Variants in TRIM67 observed in about 807,000 individuals in gnomAD.
TRIM67 encodes the protein tripartite motif-containing protein 67.
A neutral mutation model predicts 71.0 loss-of-function variants in TRIM67; 39 were observed. The observed-to-expected ratio is 0.55, with a 90% CI of 0.43 to 0.72. The LOEUF is 0.72. Among genes scored for constraint, TRIM67 ranks in the 30% least tolerant of loss-of-function variants. The pLI is 0.00. For missense variants in TRIM67, 973 were observed against 1,079.2 expected, an observed-to-expected ratio of 0.90 and a Z score of 1.38; for synonymous variants, 481 against 473.9, an observed-to-expected ratio of 1.01 and a Z score of -0.19.
Position 231,218,724 on chromosome 1 carries a change from C to T in TRIM67, c.*3284C>T. On this transcript the variant is annotated 3_prime_UTR_variant, in exon 10 of 10. Transcript: ENST00000366653. ...GGCTGCATCTTCAGCCTGATATGTA[C>T]TTTGTAGTTGCAACAGCGCCCTAGG... 2 of 985,412 alleles carry T rather than the reference C, an allele frequency of 2.0e-6. No homozygotes were observed. Among genetic ancestry groups the T allele is most frequent in the Non-Finnish European group, 2.4e-6 (2 of 829,940 alleles). 61.0% of individuals were successfully genotyped at this position (985,412 alleles called of 1,614,324 possible). A position where few individuals can be genotyped will look rare whatever the true frequency, so the allele number is the denominator to read the frequency against.
intron 1 of TRIM67, among the ~76,000 whole-genome samples, chr1:231,173,801 T>C (rs1424110657): frequency 6.6e-6 from 1 of 152,034 alleles, no homozygotes; most frequent in East Asian, 1.9e-4. Context: ...GGAAAATGGA[T>C]AGTAGGGGGA....
At position 231,162,715 on chromosome 1, in the gene TRIM67, A is replaced by T; in HGVS notation, c.-255A>T. On this transcript the variant is annotated 5_prime_UTR_variant, in exon 1 of 10. Transcript: ENST00000366653. ...CCGACCGGCTCCGGAATCTGGCCGC[A>T]GGTTGAAGCCGCTGGTGCGGGACCC... 3 of 479,192 alleles carry T rather than the reference A, an allele frequency of 6.3e-6. No individual in the cohort carries two copies. The highest frequency in any genetic ancestry group is 4.0e-5 in the Admixed American group (1 of 25,224). The allele number at this position is 479,192 out of a possible 1,614,324, so 29.7% of individuals were successfully genotyped here. A position where few individuals can be genotyped will look rare whatever the true frequency, so the allele number is the denominator to read the frequency against.
At chr1:231,170,526 G>A (rs1020707942) in intron 1 of TRIM67, among the ~76,000 whole-genome samples, 2 of 152,116 alleles carry the variant, frequency 1.3e-5, no homozygotes, top group Non-Finnish European at 2.9e-5. Context: ...TCACTGTGTC[G>A]TTAAGGTATT....
At position 231,217,504 on chromosome 1, in the gene TRIM67, C is replaced by A; in HGVS notation, c.*2064C>A. ...CCTTTGCTTGGAGCATGGAGACGAT[C>A]CCTAAAGATTGAGGATGAAGAGGAG... On this transcript the variant is annotated 3_prime_UTR_variant, in exon 10 of 10. Coordinates refer to ENST00000366653, the MANE Select transcript of TRIM67 (RefSeq NM_001004342.5). 12 of 1,005,424 alleles carry A rather than the reference C, an allele frequency of 1.2e-5. No individual in the cohort carries two copies. The highest frequency in any genetic ancestry group is 1.4e-5 in the Non-Finnish European group (12 of 841,796). The allele number at this position is 1,005,424 out of a possible 1,614,324, so 62.3% of individuals were successfully genotyped here.
chr1:231,186,765 C>T (rs139871882), intron 1 of TRIM67, among the ~76,000 whole-genome samples: 2,512 of 152,260 alleles, frequency 0.016, 38 homozygotes, highest in South Asian at 0.049. Flanking sequence ...TTCAGTCCGT[C>T]GCCCTTCCCC....
At chr1:231,210,940 G>A (rs1171125146) in intron 8 of TRIM67, among the ~76,000 whole-genome samples, 1 of 145,180 alleles carries the variant, frequency 6.9e-6, no homozygotes, top group Non-Finnish European at 1.5e-5. Context: ...TCAGCTACTT[G>A]GGAGGCCGAG....
chr1:231,167,472 G>C (rs1364978933), intron 1 of TRIM67, among the ~76,000 whole-genome samples: 2 of 126,010 alleles, frequency 1.6e-5, no homozygotes, highest in Non-Finnish European at 3.1e-5. Flanking sequence ...ACAGGCGCCC[G>C]CCACTACGCC....
At chr1:231,201,682 C>T (rs1386248193) in intron 5 of TRIM67, among the ~76,000 whole-genome samples, 165 bp downstream of exon 5, 1 of 152,212 alleles carries the variant, frequency 6.6e-6, no homozygotes, top group Non-Finnish European at 1.5e-5. Context: ...CCCAGCTCAG[C>T]CCCTGACAGC....
At chr1:231,200,315 C>A in intron 4 of TRIM67, 57 bp downstream of exon 4, 1 of 1,112,810 alleles carries the variant, frequency 9.0e-7, no homozygotes, top group Non-Finnish European at 1.4e-6. Flanking sequence ...CCACTGTTCC[C>A]CAAATCAGCC....
chr1:231,201,682 C>A (rs1386248193), intron 5 of TRIM67, among the ~76,000 whole-genome samples, 165 bp downstream of exon 5: 2 of 152,212 alleles, frequency 1.3e-5, no homozygotes, highest in Non-Finnish European at 2.9e-5. Flanking sequence ...CCCAGCTCAG[C>A]CCCTGACAGC....
intron 2 of TRIM67, 124 bp from the exon 3 acceptor site, chr1:231,198,923 C>A: frequency 1.4e-6 from 2 of 1,463,806 alleles, no homozygotes; most frequent in Non-Finnish European, 1.9e-6. Context: ...AATTTAACAA[C>A]ATTATAGAGA....
At chr1:231,192,135 C>G (rs148786807) in intron 1 of TRIM67, among the ~76,000 whole-genome samples, 5 of 152,258 alleles carry the variant, frequency 3.3e-5, no homozygotes, top group African/African-American at 9.6e-5. Flanking sequence ...GATTACACCA[C>G]TGCACTCCAG....
intron 1 of TRIM67, among the ~76,000 whole-genome samples, chr1:231,180,878 C>T (rs1374889198): frequency 2.0e-5 from 3 of 152,168 alleles, no homozygotes; most frequent in Non-Finnish European, 4.4e-5. Context: ...TCCTATCACT[C>T]TAAGGCTGGG....
intron 6 of TRIM67, among the ~76,000 whole-genome samples, chr1:231,205,595 G>A (rs987773707): frequency 5.3e-5 from 8 of 151,974 alleles, no homozygotes; most frequent in African/African-American, 7.2e-5. Flanking sequence ...GCATGGTGGC[G>A]GATGCCTGTT....
rs767199127 is a variant in TRIM67, at chr1:231,218,942, G to A, written c.*3502G>A. On this transcript the variant is annotated 3_prime_UTR_variant, in exon 10 of 10. Transcript: ENST00000366653. ...AAGGATCAGAATGCAGGATCTTTGTGTATTTCTTCCAGGGATATTTGCATT... is the reference window on the plus strand; with the variant it reads ...AAGGATCAGAATGCAGGATCTTTGTATATTTCTTCCAGGGATATTTGCATT... 174 of 985,374 alleles carry A rather than the reference G, an allele frequency of 1.8e-4. No homozygotes were observed. Among genetic ancestry groups the A allele is most frequent in the Non-Finnish European group, 2.0e-4 (167 of 829,972 alleles). 61.0% of individuals were successfully genotyped at this position (985,374 alleles called of 1,614,324 possible). A position where few individuals can be genotyped will look rare whatever the true frequency, so the allele number is the denominator to read the frequency against.
At chr1:231,214,908 T>C (rs1683974047) in intron 9 of TRIM67, among the ~76,000 whole-genome samples, 1 of 151,940 alleles carries the variant, frequency 6.6e-6, no homozygotes, top group Non-Finnish European at 1.5e-5. Flanking sequence ...GAGACCAGCC[T>C]GGGGAATGAA....
intron 1 of TRIM67, among the ~76,000 whole-genome samples, chr1:231,194,882 G>GA (rs764357221): frequency 2.6e-4 from 40 of 152,182 alleles, no homozygotes; most frequent in Middle Eastern, 3.4e-3. Context: ...AGAGGGTGAG[G>GA]ATGAGGGAGG....
chr1:231,191,902 G>C (rs1683239729), intron 1 of TRIM67, among the ~76,000 whole-genome samples: 1 of 152,182 alleles, frequency 6.6e-6, no homozygotes, highest in Non-Finnish European at 1.5e-5. Flanking sequence ...CTACATGTCA[G>C]GTACTATGCT....
intron 3 of TRIM67, among the ~76,000 whole-genome samples, chr1:231,199,681 G>A (rs925885502): frequency 2.6e-5 from 4 of 152,186 alleles, no homozygotes; most frequent in Non-Finnish European, 4.4e-5. Flanking sequence ...GTCACTGTCT[G>A]AGGAGCTCCA....
Sources: allele counts gnomAD v4.1 joint callset (sites outside exome capture counted in the v4.1 genomes callset), GRCh38; gene constraint gnomAD v4.1.1; transcripts MANE v1.5; gene names NCBI Gene and HGNC (gene_info 2026-07-23, HGNC 2026-07-21).